The following PAGE2B variants were observed in gnomAD, a reference collection of about 807,000 sequenced individuals.
The protein encoded by PAGE2B is putative G antigen family E member 3.
PAGE2B carries 5 observed loss-of-function variants against 7.6 expected under a neutral mutation model. That is an observed-to-expected ratio of 0.66 (90% CI 0.34 to 1.38). The LOEUF is 1.38. Ranked by LOEUF, PAGE2B falls within the 40% of genes most tolerant of loss-of-function variation. The probability of loss-of-function intolerance (pLI) is 0.04; values close to 1 mark genes in which losing one functional copy is unlikely to be tolerated. For synonymous variants in PAGE2B, 29 were observed against 26.7 expected (o/e 1.09, Z -0.27); for missense variants, 70 against 78.4 (o/e 0.89, Z 0.41).
At chrX:55,037,887 A>T in the PAGE2B span, among the ~76,000 whole-genome samples, 25 of 74,452 alleles carry the variant, frequency 3.4e-4, no homozygotes, top group Non-Finnish European at 1.9e-4. Flanking sequence ...AACATCACAC[A>T]CTGGGGCCTG....
chrX:55,056,528 T>C, the PAGE2B span, among the ~76,000 whole-genome samples: 1 of 110,695 alleles, frequency 9.0e-6, no homozygotes, highest in Admixed American at 9.7e-5. Context: ...CCCCTTAAGA[T>C]GGGATAAGGG....
the PAGE2B span, among the ~76,000 whole-genome samples, chrX:55,069,645 A>G: frequency 5.6e-4 from 63 of 111,653 alleles, no homozygotes; most frequent in Non-Finnish European, 7.5e-5. Context: ...TACCTCTGGT[A>G]GAATTCGGCT....
the PAGE2B span, among the ~76,000 whole-genome samples, chrX:55,034,617 A>G: frequency 9.1e-6 from 1 of 109,512 alleles, no homozygotes; most frequent in East Asian, 2.9e-4. Flanking sequence ...TGTCAGGCTC[A>G]TACTCTTCCT....
chrX:55,070,666 C>G (rs1239878806), upstream of PAGE2B, among the ~76,000 whole-genome samples: 1 of 111,502 alleles, frequency 9.0e-6, no homozygotes, highest in Non-Finnish European at 1.9e-5. Context: ...GTGTGGGAGT[C>G]TAAGTCTCTT....
the PAGE2B span, among the ~76,000 whole-genome samples, chrX:55,052,576 G>T: frequency 8.9e-6 from 1 of 112,642 alleles, no homozygotes; most frequent in Non-Finnish European, 1.9e-5. Context: ...CTAGCAATGA[G>T]CGAGGCTCCT....
the PAGE2B span, among the ~76,000 whole-genome samples, chrX:55,033,813 C>T: frequency 8.9e-6 from 1 of 112,219 alleles, no homozygotes; most frequent in Non-Finnish European, 1.9e-5. Context: ...GTTTTCTCTG[C>T]ATCTTAGGTT....
chrX:55,062,042 G>C, the PAGE2B span, among the ~76,000 whole-genome samples: 1 of 111,739 alleles, frequency 8.9e-6, no homozygotes, highest in African/African-American at 3.3e-5. Context: ...ATTGAGAATA[G>C]TGCTGCTGTA....
chrX:55,049,164 T>G, the PAGE2B span, among the ~76,000 whole-genome samples: 1 of 111,252 alleles, frequency 9.0e-6, no homozygotes, highest in Non-Finnish European at 1.9e-5. Context: ...GCCCACTTGA[T>G]CATGGTGGAT....
the PAGE2B span, among the ~76,000 whole-genome samples, chrX:55,047,414 A>T: frequency 9.0e-5 from 10 of 111,644 alleles, no homozygotes; most frequent in African/African-American, 2.9e-4. Flanking sequence ...ATGATTTATA[A>T]TCCTTTGGGT....
At chrX:55,043,441 C>G in the PAGE2B span, among the ~76,000 whole-genome samples, 1 of 110,421 alleles carries the variant, frequency 9.1e-6, no homozygotes, top group African/African-American at 3.3e-5. Flanking sequence ...TCTACACATT[C>G]GACAAAGGAC....
the PAGE2B span, among the ~76,000 whole-genome samples, chrX:55,042,238 A>C: frequency 9.0e-6 from 1 of 111,603 alleles, no homozygotes; most frequent in African/African-American, 3.3e-5. Flanking sequence ...TACACAAATC[A>C]GTAGCTCTGC....
upstream of PAGE2B, among the ~76,000 whole-genome samples, chrX:55,070,402 T>A (rs916087238): frequency 2.7e-5 from 3 of 112,136 alleles, no homozygotes; most frequent in Non-Finnish European, 5.6e-5. Flanking sequence ...TCTGAGAGAC[T>A]GTTTGTTATA....
upstream of PAGE2B, among the ~76,000 whole-genome samples, chrX:55,071,820 A>G: frequency 9.0e-6 from 1 of 111,245 alleles, no homozygotes; most frequent in Non-Finnish European, 1.9e-5. Context: ...CTCTGATTCA[A>G]TCACTTCAAT....
At chrX:55,041,934 T>A in the PAGE2B span, among the ~76,000 whole-genome samples, 1 of 111,550 alleles carries the variant, frequency 9.0e-6, no homozygotes, top group Non-Finnish European at 1.9e-5. Flanking sequence ...CTATGATAGA[T>A]CCACAGCCAA....
chrX:55,052,967 CTTATTGA>C, the PAGE2B span, among the ~76,000 whole-genome samples: 3 of 112,688 alleles, frequency 2.7e-5, no homozygotes, highest in Non-Finnish European at 5.6e-5. Context: ...ATGTTTTTTG[CTTATTGA>C]TTATTAGTAG....
At chrX:55,038,447 T>C in the PAGE2B span, among the ~76,000 whole-genome samples, 3,909 of 112,127 alleles carry the variant, frequency 0.035, 176 homozygotes, top group African/African-American at 0.12. Context: ...AATAAAATGA[T>C]AGGCTCAACA....
At chrX:55,045,553 G>A in the PAGE2B span, among the ~76,000 whole-genome samples, 1 of 111,303 alleles carries the variant, frequency 9.0e-6, no homozygotes, top group Admixed American at 9.6e-5. Flanking sequence ...GTGGTAATTG[G>A]CTTTGGCATG....
intron 3 of PAGE2B, 144 bp downstream of exon 3, chrX:55,076,821 G>A (rs1263518625): frequency 1.0e-4 from 60 of 595,824 alleles, no homozygotes; most frequent in Non-Finnish European, 1.5e-5. Flanking sequence ...GGAGGGGTGG[G>A]ACAAGGACGC....
chrX:55,075,555 C>T (rs73490472), intron 1 of PAGE2B, among the ~76,000 whole-genome samples: 3,854 of 110,650 alleles, frequency 0.035, 176 homozygotes, highest in African/African-American at 0.12. Flanking sequence ...AGAGGTGTCC[C>T]GTGAGGAGCA....
Sources: allele counts gnomAD v4.1 joint callset (sites outside exome capture counted in the v4.1 genomes callset), GRCh38; gene constraint gnomAD v4.1.1; transcripts MANE v1.5; gene names NCBI Gene and HGNC (gene_info 2026-07-23, HGNC 2026-07-21).